DNAH5: variants seen among roughly 807,000 people sequenced by gnomAD.
DNAH5 encodes axonemal beta dynein heavy chain 5.
DNAH5 carries 372 observed loss-of-function variants against 518.2 expected under a neutral mutation model. The observed-to-expected ratio is 0.72, with a 90% confidence interval of 0.66 to 0.78. DNAH5 has a LOEUF of 0.78. DNAH5 is among the 30% of genes least tolerant of loss of function. The pLI, the probability that DNAH5 is intolerant of heterozygous loss-of-function variation, is 0.00. For missense variants in DNAH5, 5,523 were observed against 5,687.0 expected, an observed-to-expected ratio of 0.97 and a Z score of 0.93; for synonymous variants, 2,039 against 2,025.9, an observed-to-expected ratio of 1.01 and a Z score of -0.17.
rs1214485853 is a variant in DNAH5, at chr5:13,719,659, A to AGATTGGAGGGAGATTCT, written c.12280-559_12280-558insAGAATCTCCCTCCAATC. Among the ~76,000 whole-genome samples, 14 of 152,308 alleles carry AGATTGGAGGGAGATTCT rather than the reference A, an allele frequency of 9.2e-5. 1 individual carries two copies. In the East Asian group the frequency reaches 1.3e-3, roughly 15 times the overall value. On this transcript the variant is annotated intron_variant, in intron 71 of 78. Transcript: ENST00000265104. ...GAAGTTGATTTTCTACAGAAGGCAA[A>AGATTGGAGGGAGATTCT]ACAGGGTCTAGATTGGAGGATACCA...
At chr5:13,798,677 C>A (rs1758210008) in intron 47 of DNAH5, among the ~76,000 whole-genome samples, 1 of 151,480 alleles carries the variant, frequency 6.6e-6, no homozygotes, top group Admixed American at 6.6e-5. Context: ...AAACTCTATA[C>A]AACTGTCCTT....
chr5:13,874,344 G>A (rs1770559471), intron 22 of DNAH5, among the ~76,000 whole-genome samples: 1 of 152,124 alleles, frequency 6.6e-6, no homozygotes, highest in Non-Finnish European at 1.5e-5. Flanking sequence ...TAAATATGTT[G>A]GAGGGTATTC....
intron 55 of DNAH5, among the ~76,000 whole-genome samples, chr5:13,775,900 A>C (rs1213033353): frequency 6.6e-6 from 1 of 151,196 alleles, no homozygotes; most frequent in Non-Finnish European, 1.5e-5. Context: ...TCATGTTCTG[A>C]TGTAATAGGG....
chr5:13,980,484 C>T (rs528021930), intron 1 of DNAH5, among the ~76,000 whole-genome samples: 1 of 152,250 alleles, frequency 6.6e-6, no homozygotes, highest in South Asian at 2.1e-4. Context: ...CGGTCTTCCC[C>T]CTCCTTCCAT....
intron 1 of DNAH5, among the ~76,000 whole-genome samples, chr5:13,990,595 T>C (rs9312855): frequency 0.37 from 55,287 of 150,422 alleles, 10,921 homozygotes; most frequent in East Asian, 0.81. Flanking sequence ...GGGCCAGGCG[T>C]GGTGGCTCAT....
At chr5:13,871,489 G>T in intron 23 of DNAH5, 75 bp downstream of exon 23, 1 of 1,278,716 alleles carries the variant, frequency 7.8e-7, no homozygotes, top group East Asian at 2.4e-5. Context: ...AGAACTCTCT[G>T]GAATACAAAT....
chr5:13,920,414 A>G, intron 6 of DNAH5, 66 bp downstream of exon 6: 1 of 1,596,124 alleles, frequency 6.3e-7, no homozygotes, highest in East Asian at 2.2e-5. Context: ...ATGTCAATAC[A>G]CCTTCTTCCA....
intron 5 of DNAH5, 47 bp from the exon 6 acceptor site, chr5:13,920,664 A>C: frequency 6.2e-7 from 1 of 1,608,972 alleles, no homozygotes; most frequent in Non-Finnish European, 8.5e-7. Context: ...TTTGTAAAAC[A>C]CACAGACTGT....
chr5:13,708,012 T>C, intron 76 of DNAH5, 111 bp downstream of exon 76: 1 of 1,307,914 alleles, frequency 7.6e-7, no homozygotes, highest in South Asian at 1.2e-5. Flanking sequence ...GCTTCGTCCC[T>C]GTGCAAAAGA....
intron 65 of DNAH5, among the ~76,000 whole-genome samples, chr5:13,739,042 T>C (rs1469475389): frequency 6.6e-6 from 1 of 152,112 alleles, no homozygotes; most frequent in Non-Finnish European, 1.5e-5. Context: ...GAGCTTTACC[T>C]GTGATTTTGA....
intron 8 of DNAH5, 41 bp downstream of exon 8, chr5:13,917,102 G>T: frequency 6.9e-7 from 1 of 1,456,066 alleles, no homozygotes; most frequent in Non-Finnish European, 9.6e-7. Context: ...AGTGCAAAAA[G>T]GGTTATCTAT....
Position 13,716,624 on chromosome 5 carries a change from C to T in DNAH5, c.12772G>A (p.Asp4258Asn), listed in dbSNP as rs1354484933. The change falls in exon 74 of 79, where the codon GAC (aspartate) becomes AAC (asparagine). Residue 4258 changes from aspartate (D) to asparagine (N), a missense_variant. Transcript: ENST00000265104. ...GTGTTCAACAATCTCTTATCATAGT[C>T]GTCAGTGACTCTGCCTCCATATTGA... ...EIQYGGRVTDDYDKRLLNTFA... is the reference protein window; with the variant it reads ...EIQYGGRVTDNYDKRLLNTFA... 2.5e-6 allele frequency: 4 copies of T among 1,613,904 alleles called. No individual in the cohort carries two copies. The highest frequency in any genetic ancestry group is 1.3e-5 in the African/African-American group (1 of 75,042).
intron 3 of DNAH5, among the ~76,000 whole-genome samples, chr5:13,926,071 G>A (rs1429311298): frequency 6.6e-6 from 1 of 152,202 alleles, no homozygotes; most frequent in African/African-American, 2.4e-5. Context: ...GGCAGATAGA[G>A]AGAAACTGGA....
At chr5:13,900,917 T>C (rs1207473557) in intron 14 of DNAH5, among the ~76,000 whole-genome samples, 1 of 152,210 alleles carries the variant, frequency 6.6e-6, no homozygotes, top group African/African-American at 2.4e-5. Flanking sequence ...TTAACAGATG[T>C]GCTAGTGTTT....
intron 47 of DNAH5, among the ~76,000 whole-genome samples, chr5:13,798,073 A>G: frequency 6.7e-6 from 1 of 149,628 alleles, no homozygotes; most frequent in African/African-American, 2.5e-5. Context: ...GGGCTGGGGG[A>G]GGGATAGCAT....
intron 17 of DNAH5, among the ~76,000 whole-genome samples, chr5:13,886,646 G>T (rs1772481202): frequency 6.6e-6 from 1 of 152,194 alleles, no homozygotes; most frequent in Non-Finnish European, 1.5e-5. Flanking sequence ...ATAGATGGAT[G>T]ATATAGACAG....
intron 1 of DNAH5, among the ~76,000 whole-genome samples, chr5:14,009,019 A>C (rs1199731587): frequency 6.6e-6 from 1 of 152,234 alleles, no homozygotes; most frequent in Non-Finnish European, 1.5e-5. Context: ...ACTGTAACTC[A>C]ACATTCTGGG....
chr5:13,728,260 C>A (rs1746024044), intron 69 of DNAH5, among the ~76,000 whole-genome samples: 1 of 152,114 alleles, frequency 6.6e-6, no homozygotes, highest in African/African-American at 2.4e-5. Flanking sequence ...GCTTAAAACA[C>A]CAAAGAGAGG....
At chr5:13,749,320 T>C (rs1423067412) in intron 65 of DNAH5, among the ~76,000 whole-genome samples, 3 of 152,156 alleles carry the variant, frequency 2.0e-5, no homozygotes, top group East Asian at 1.9e-4. Context: ...CCAGAACAGA[T>C]TCTGATAATG....
Sources: gnomAD v4.1 joint callset for allele counts (sites outside exome capture counted in the v4.1 genomes callset) on GRCh38, gnomAD v4.1.1 for gene constraint, MANE v1.5 for transcripts, NCBI Gene and HGNC (gene_info 2026-07-23, HGNC 2026-07-21) for gene names.